Variants in NUDT6 observed in about 807,000 individuals in gnomAD.
NUDT6 encodes nudix hydrolase 6.
In NUDT6, 24 loss-of-function variants were observed where a neutral mutation model predicts 36.8. The ratio of observed to expected loss-of-function variants is 0.65; its 90% CI spans 0.47 to 0.92. The LOEUF (loss-of-function observed/expected upper bound fraction) is 0.92. Among genes scored for constraint, NUDT6 ranks in the 40% least tolerant of loss-of-function variants. The probability of loss-of-function intolerance (pLI) is 0.00; values close to 1 mark genes in which losing one functional copy is unlikely to be tolerated. For missense variants in NUDT6, 388 were observed against 392.8 expected, an observed-to-expected ratio of 0.99 and a Z score of 0.10; for synonymous variants, 163 against 157.0, an observed-to-expected ratio of 1.04 and a Z score of -0.29.
At chr4:122,922,794 C>T (rs375938045), upstream of NUDT6, 26 of 580,100 alleles carry the variant, frequency 4.5e-5, no homozygotes, top group East Asian at 2.9e-4. Flanking sequence ...CCCCCACCGC[C>T]ACTCACTTAT....
At position 122,922,336 on chromosome 4, in the gene NUDT6, C is replaced by T. The variant is rs764236990; in HGVS notation, c.237G>A (p.Gln79=). ...GCCCTTCGTCCCAGGCGCACTTGCC[C>T]TGCAAGCCCTTCTGGAAGGCGGCAG... ...LDAAAFQKGL[Q]AAVQQWRSEG... is the part of the protein sequence containing the mutation. The change falls in exon 1 of 5, where the codon CAG becomes CAA. Residue 79 remains glutamine (Q), a splice_region_variant and synonymous_variant. Coordinates refer to ENST00000304430, the MANE Select transcript of NUDT6 (RefSeq NM_007083.5). The T allele has an allele frequency of 1.3e-6, 2 of 1,598,586 alleles. No homozygotes were observed. The highest frequency in any genetic ancestry group is 2.2e-5 in the East Asian group (1 of 44,748).
rs67620234 is a variant in NUDT6 at position 122,915,491 on chromosome 4, A to ACAAAC, written c.442+2009_442+2010insGTTTG. On this transcript the variant is annotated intron_variant, in intron 2 of 4. Coordinates refer to ENST00000304430, the MANE Select transcript of NUDT6 (RefSeq NM_007083.5). The stretch of plus-strand genomic sequence containing the variant: ...CCTCAAAAAAAAAAAAAAAAAAAAA[A>ACAAAC]AAAAAAACAACTCTGCACCTTTCCA... 8.0e-4 allele frequency among the ~76,000 whole-genome samples: 110 copies of ACAAAC among 137,670 alleles called. 3 individuals are homozygous for ACAAAC. The highest frequency in any genetic ancestry group is 1.4e-3 in the South Asian group (6 of 4,148). 90.3% of individuals were successfully genotyped at this position (137,670 alleles called of 152,430 possible).
Position 122,897,638 on chromosome 4 carries a change from G to A in NUDT6, c.539C>T (p.Pro180Leu). Residue 180 changes from proline to leucine, a missense_variant, in exon 4 of 5, where the codon CCT (proline) becomes CTT (leucine). Pro to Leu is a moderately conservative substitution (Grantham distance 98). Transcript: ENST00000304430. ...MWKFPGGLSE[P>L]EEDIGDTAVR... ...AAGATACACACCAATATCTTCTTCA[G>A]GCTCTGACAGGCCTCCTGGAAACTT... 1 of 1,607,294 alleles carries A rather than the reference G, an allele frequency of 6.2e-7. No individual in the cohort carries two copies. The highest frequency in any genetic ancestry group is 1.1e-5 in the South Asian group (1 of 90,934).
intron 3 of NUDT6, among the ~76,000 whole-genome samples, chr4:122,911,866 A>G (rs1371155057): frequency 5.3e-5 from 8 of 152,076 alleles, no homozygotes; most frequent in Non-Finnish European, 4.4e-5. Context: ...TTGGTATCCA[A>G]TCCTCTTCAC....
intron 3 of NUDT6, among the ~76,000 whole-genome samples, chr4:122,911,804 C>T (rs987157988): frequency 4.6e-5 from 7 of 152,116 alleles, no homozygotes; most frequent in African/African-American, 9.7e-5. Context: ...TCCCTAATCA[C>T]GGTACTTCTC....
intron 3 of NUDT6, among the ~76,000 whole-genome samples, chr4:122,904,320 C>A (rs989030313): frequency 1.7e-4 from 26 of 152,152 alleles, no homozygotes; most frequent in African/African-American, 6.0e-4. Flanking sequence ...TAAACCCTTA[C>A]CCCTGGCCAA....
intron 3 of NUDT6, 191 bp from the exon 4 acceptor site, chr4:122,897,869 T>G: frequency 1.7e-6 from 1 of 575,624 alleles, no homozygotes; most frequent in Non-Finnish European, 3.1e-6. Context: ...TGGTAACTGA[T>G]GAAATCTTTT....
At chr4:122,907,876 T>C (rs1407908828) in intron 3 of NUDT6, among the ~76,000 whole-genome samples, 1 of 152,154 alleles carries the variant, frequency 6.6e-6, no homozygotes, top group Non-Finnish European at 1.5e-5. Flanking sequence ...AATCTGTAGA[T>C]CTCTAAGGTA....
intron 2 of NUDT6, among the ~76,000 whole-genome samples, chr4:122,915,143 G>A (rs1727802927): frequency 6.6e-6 from 1 of 152,154 alleles, no homozygotes; most frequent in African/African-American, 2.4e-5. Context: ...AAGGCTCTGA[G>A]TCAGACACAA....
At chr4:122,913,837 A>T (rs867148779) in intron 2 of NUDT6, among the ~76,000 whole-genome samples, 10 of 152,166 alleles carry the variant, frequency 6.6e-5, no homozygotes, top group African/African-American at 2.4e-4. Flanking sequence ...CGTATTAGTG[A>T]TTTTTATTAT....
chr4:122,899,044 ATTT>A (rs113708696), intron 3 of NUDT6, among the ~76,000 whole-genome samples: 4 of 69,428 alleles, frequency 5.8e-5, no homozygotes, highest in Admixed American at 3.8e-4. Flanking sequence ...ACCACACCTA[ATTT>A]TTTTTTTTTT....
At chr4:122,916,080 T>C (rs1727833097) in intron 2 of NUDT6, among the ~76,000 whole-genome samples, 1 of 152,152 alleles carries the variant, frequency 6.6e-6, no homozygotes, top group Non-Finnish European at 1.5e-5. Context: ...AATCTAAGAA[T>C]TTTGGTCCTT....
chr4:122,917,195 CTG>C (rs1313411697), intron 2 of NUDT6, among the ~76,000 whole-genome samples: 1 of 152,158 alleles, frequency 6.6e-6, no homozygotes, highest in Non-Finnish European at 1.5e-5. Context: ...ACTTTTATAA[CTG>C]TTCTAATTTA....
chr4:122,918,382 A>G (rs1727896252), intron 1 of NUDT6: 1 of 152,234 alleles, frequency 6.6e-6, no homozygotes, highest in Admixed American at 6.5e-5. Context: ...GCTAATATCT[A>G]TTTGAAACTT....
At chr4:122,898,139 ATTTCT>A (rs1560766346) in intron 3 of NUDT6, 1 of 153,708 alleles carries the variant, frequency 6.5e-6, no homozygotes, top group Non-Finnish European at 1.5e-5. Flanking sequence ...TACTCTTATT[ATTTCT>A]ATTGTATGTG....
chr4:122,901,989 T>C (rs1727532782), intron 3 of NUDT6, among the ~76,000 whole-genome samples: 1 of 152,234 alleles, frequency 6.6e-6, no homozygotes, highest in Non-Finnish European at 1.5e-5. Flanking sequence ...CCTCTTGTTC[T>C]GTCTTTACTC....
intron 3 of NUDT6, among the ~76,000 whole-genome samples, chr4:122,905,544 T>C (rs1431403703): frequency 6.6e-6 from 1 of 152,236 alleles, no homozygotes; most frequent in Non-Finnish European, 1.5e-5. Context: ...TACCCCTCTA[T>C]GTGCTGTTAT....
In NUDT6 at chr4:122,922,549, GC is replaced by G. The variant is rs35119096; in HGVS notation, c.23del (p.Gly8AlafsTer118). On this transcript the variant is annotated frameshift_variant, in exon 1 of 5. Transcript: ENST00000304430. LOFTEE classifies it high-confidence loss of function. MRQPLSW[G>X]RWRAMLARTY... is the part of the protein sequence containing the mutation. The stretch of plus-strand genomic sequence containing the variant: ...TTCGGGCAAGCATCGCGCGCCAGCG[GC>G]CCCAGCTCAGTGGCTGCCGCATCTC... 1.9e-6 allele frequency: 3 copies of G among 1,601,732 alleles called. No individual in the cohort carries two copies. Among genetic ancestry groups the G allele is most frequent in the East Asian group, 4.5e-5 (2 of 44,734 alleles).
intron 4 of NUDT6, chr4:122,895,605 A>G (rs1290056363): frequency 6.6e-6 from 1 of 152,182 alleles, no homozygotes; most frequent in Non-Finnish European, 1.5e-5. Context: ...ATTTTTTAAG[A>G]AGGCAGTTTG....
Sources: allele counts gnomAD v4.1 joint callset (sites outside exome capture counted in the v4.1 genomes callset), GRCh38; gene constraint gnomAD v4.1.1; transcripts MANE v1.5; gene names NCBI Gene and HGNC (gene_info 2026-07-23, HGNC 2026-07-21).